The following MAN2A2 variants were observed in gnomAD, a reference collection of about 807,000 sequenced individuals.
MAN2A2 encodes the protein alpha-mannosidase 2x.
Under a neutral mutation model 126.8 loss-of-function variants are expected in MAN2A2, and 79 were observed. The observed-to-expected ratio is 0.62, with a 90% CI of 0.52 to 0.75. The LOEUF (loss-of-function observed/expected upper bound fraction) is 0.75. Ranked by LOEUF, MAN2A2 falls within the 30% of genes least tolerant of loss-of-function variation. The probability of loss-of-function intolerance (pLI) is 0.00; values close to 1 mark genes in which losing one functional copy is unlikely to be tolerated. For missense variants in MAN2A2, 1,392 were observed against 1,522.4 expected (o/e 0.91, Z 1.43); for synonymous variants, 671 against 618.7 (o/e 1.08, Z -1.25).
chr15:90,916,194 G>T lies in MAN2A2; in HGVS notation c.2932G>T (p.Asp978Tyr). Residue 978 changes from aspartate (D) to tyrosine (Y), a missense_variant, in exon 20 of 23, where the codon GAC becomes TAC. Asp to Tyr is a radical substitution (Grantham distance 160). Transcript: ENST00000559717. ...CCGGGGCCTAGGCCAAGGGCTCAAG[G>T]ACAACAAGAGAACCTGCAACCGTTT... ...DNRGLGQGLKDNKRTCNRFRL... is the reference protein window; with the variant it reads ...DNRGLGQGLKYNKRTCNRFRL... The T allele has an allele frequency of 6.2e-7, 1 of 1,614,172 alleles. No individual in the cohort carries two copies. The highest frequency in any genetic ancestry group is 2.2e-5 in the East Asian group (1 of 44,874).
chr15:90,913,980 C>G (rs1308230542), intron 19 of MAN2A2, among the ~76,000 whole-genome samples: 1 of 152,162 alleles, frequency 6.6e-6, no homozygotes, highest in Non-Finnish European at 1.5e-5. Context: ...GGTGGAGTGT[C>G]CTACTGGATG....
At position 90,918,767 on chromosome 15, in the gene MAN2A2, G is replaced by A. The variant is rs1409264294; in HGVS notation, c.3300+12G>A. 6.6e-7 allele frequency: 1 copy of A among 1,511,774 alleles called. No homozygotes were observed. The highest frequency in any genetic ancestry group is 1.4e-5 in the African/African-American group (1 of 72,588). The allele number at this position is 1,511,774 out of a possible 1,614,324, so 93.6% of individuals were successfully genotyped here. A position where few individuals can be genotyped will look rare whatever the true frequency, so the allele number is the denominator to read the frequency against. Reference sequence around the variant, plus strand: ...CAAGCCAAGGCAAGGTGAGTAGGGTGGGGAAACAGAGCACCTAGGAATGGC... The same window carrying A: ...CAAGCCAAGGCAAGGTGAGTAGGGTAGGGAAACAGAGCACCTAGGAATGGC... On this transcript the variant is annotated intron_variant, in intron 22 of 22. Transcript: ENST00000559717.
Position 90,906,909 on chromosome 15 carries a change from A to G in MAN2A2, c.1005A>G (p.Thr335=), listed in dbSNP as rs1204914554. Residue 335 remains threonine, a synonymous_variant, in exon 7 of 23, where the codon ACA becomes ACG. Transcript: ENST00000559717. ...GCCTAGAGTTCATGTGGAGGCAGAC[A>G]TGGGGTAAGGCCGGGTAGGGTAGAG... is the stretch of plus-strand genomic sequence containing the variant. ...THSLEFMWRQ[T]WDSDSSTDIF... is the part of the protein sequence containing the mutation. 1 of 1,613,908 alleles carries G rather than the reference A, an allele frequency of 6.2e-7. No homozygotes were observed. The highest frequency in any genetic ancestry group is 8.5e-7 in the Non-Finnish European group (1 of 1,179,984).
At position 90,911,479 on chromosome 15, in the gene MAN2A2, G is replaced by T. The variant is rs765263413; in HGVS notation, c.2038G>T (p.Gly680Cys). 6.2e-7 allele frequency: 1 copy of T among 1,614,202 alleles called. No individual in the cohort carries two copies. The highest frequency in any genetic ancestry group is 8.5e-7 in the Non-Finnish European group (1 of 1,180,054). Residue 680 changes from glycine (G) to cysteine (C), a missense_variant, in exon 14 of 23, where the codon GGT becomes TGT. Gly to Cys is a radical substitution (Grantham distance 159). Transcript: ENST00000559717. ...CCGCGTGCGTGTCCTTTCGGAGGAG[G>T]GTCAGCCCCTGGCCGTGCAGATCAG... Reference protein sequence around the residue: ...SPRVRVLSEEGQPLAVQISAH... With the variant: ...SPRVRVLSEECQPLAVQISAH...
chr15:90,918,453 C>T (rs2035354141), intron 21 of MAN2A2, 65 bp downstream of exon 21: 2 of 1,520,388 alleles, frequency 1.3e-6, no homozygotes, highest in Admixed American at 1.8e-5. Flanking sequence ...CTGCTCAGCT[C>T]CTTCCTTAGC....
At position 90,905,426 on chromosome 15, in the gene MAN2A2, A is replaced by C. The variant is rs1400215420; in HGVS notation, c.308A>C (p.Glu103Ala). Residue 103 changes from glutamate to alanine, a missense_variant, in exon 3 of 23, where the codon GAG becomes GCG. Physicochemically the swap from Glu to Ala is moderately radical, Grantham distance 107. Coordinates refer to ENST00000559717, the MANE Select transcript of MAN2A2 (RefSeq NM_006122.4). ...AATGGCTCCTGGGTGGTGCCACCGG[A>C]GCCCCGGCCCAGCTTCTTCTCCATC... The part of the protein sequence containing the change: ...TVNGSWVVPP[E>A]PRPSFFSISP... 1 of 1,613,738 alleles carries C rather than the reference A, an allele frequency of 6.2e-7. No homozygotes were observed. Among genetic ancestry groups the C allele is most frequent in the Admixed American group, 1.7e-5 (1 of 60,024 alleles).
At position 90,913,720 on chromosome 15, in the gene MAN2A2, C is replaced by G. The variant is rs2034957303; in HGVS notation, c.2825C>G (p.Thr942Ser). 2 of 1,601,580 alleles carry G rather than the reference C, an allele frequency of 1.2e-6. No individual in the cohort carries two copies. The highest frequency in any genetic ancestry group is 1.1e-5 in the South Asian group (1 of 89,212). ...GCACAGAAGCGCCTCACGCTGCACA[C>G]TGCCCAGGCCCTGGGTGTCTCTAGC... The part of the protein sequence containing the change: ...QDAQKRLTLH[T>S]AQALGVSSLK... Residue 942 changes from threonine to serine, a missense_variant, in exon 19 of 23, where the codon ACT becomes AGT. Physicochemically the swap from Thr to Ser is moderately conservative, Grantham distance 58. Coordinates refer to ENST00000559717, the MANE Select transcript of MAN2A2 (RefSeq NM_006122.4).
Position 90,904,331 on chromosome 15 carries a change from T to G in MAN2A2, c.124T>G (p.Phe42Val). 6.2e-7 allele frequency: 1 copy of G among 1,613,608 alleles called. No individual in the cohort carries two copies. The highest frequency in any genetic ancestry group is 8.5e-7 in the Non-Finnish European group (1 of 1,179,572). Residue 42 changes from phenylalanine (F) to valine (V), a missense_variant, in exon 2 of 23, where the codon TTC becomes GTC. Transcript: ENST00000559717. ...DPTRHQNGGN[F>V]PRSQISVLQN... ...CACCCGACACCAGAATGGTGGGAAC[T>G]TCCCCCGGGTGAGTCGTGCCTGGTT...
Position 90,914,118 on chromosome 15 carries a change from C to T in MAN2A2, c.2860+363C>T, listed in dbSNP as rs147715065. Reference sequence around the variant, plus strand: ...CTGTTGGGAGGCCAAGGCAGAAGGCCAGGAGTTTGAGACCAGCCTGGGCAA... The same window carrying T: ...CTGTTGGGAGGCCAAGGCAGAAGGCTAGGAGTTTGAGACCAGCCTGGGCAA... On this transcript the variant is annotated intron_variant, in intron 19 of 22. Coordinates refer to ENST00000559717, the MANE Select transcript of MAN2A2 (RefSeq NM_006122.4). 2.9e-3 allele frequency among the ~76,000 whole-genome samples: 437 copies of T among 152,354 alleles called. 6 individuals are homozygous for T. Among genetic ancestry groups the T allele is most frequent in the East Asian group, 7.9e-3 (41 of 5,184 alleles).
intron 19 of MAN2A2, among the ~76,000 whole-genome samples, chr15:90,915,194 G>C (rs961921082): frequency 3.4e-4 from 51 of 152,158 alleles, no homozygotes; most frequent in Middle Eastern, 3.4e-3. Flanking sequence ...TATGGTATTT[G>C]AAAAAATGAC....
At position 90,919,843 on chromosome 15, in the gene MAN2A2, A is replaced by G; in HGVS notation, c.*56A>G. 2 of 1,598,018 alleles carry G rather than the reference A, an allele frequency of 1.3e-6. No homozygotes were observed. Among genetic ancestry groups the G allele is most frequent in the South Asian group, 2.2e-5 (2 of 89,778 alleles). On this transcript the variant is annotated 3_prime_UTR_variant, in exon 23 of 23. Transcript: ENST00000559717. Reference sequence around the variant, plus strand: ...TCACAGAGACTGCCTCTTAACATGAAGATCATTGGACAAGCCACACGGGTA... The same window carrying G: ...TCACAGAGACTGCCTCTTAACATGAGGATCATTGGACAAGCCACACGGGTA...
At chr15:90,913,907 T>C in intron 19 of MAN2A2, 152 bp downstream of exon 19, 3 of 1,078,190 alleles carry the variant, frequency 2.8e-6, no homozygotes, top group Non-Finnish European at 3.9e-6. Context: ...TCAGAGCTCT[T>C]GGCACAGGAG....
rs145222552 is a variant in MAN2A2, at chr15:90,912,613, G to A, written c.2418G>A (p.Thr806=). 507 of 1,614,070 alleles carry A rather than the reference G, an allele frequency of 3.1e-4. No homozygotes were observed. Among genetic ancestry groups the A allele is most frequent in the Non-Finnish European group, 4.0e-4 (470 of 1,180,028 alleles). ...DMQVLVYGTR[T]SKDKSGAYLF... ...AGGTCCTTGTCTATGGCACCCGTAC[G>A]TCCAAAGACAAGAGTGGAGCCTACC... Residue 806 remains threonine (T), a synonymous_variant, in exon 16 of 23, where the codon ACG becomes ACA. Coordinates refer to ENST00000559717, the MANE Select transcript of MAN2A2 (RefSeq NM_006122.4).
intron 11 of MAN2A2, 45 bp from the exon 12 acceptor site, chr15:90,910,802 C>G (rs201678725): frequency 5.0e-6 from 8 of 1,601,922 alleles, no homozygotes; most frequent in African/African-American, 2.7e-5. Flanking sequence ...CAGACAGCTT[C>G]CCTATGGTCA....
intron 12 of MAN2A2, 62 bp from the exon 13 acceptor site, chr15:90,911,109 A>T (rs975569849): frequency 6.4e-6 from 10 of 1,569,278 alleles, no homozygotes; most frequent in Non-Finnish European, 8.8e-6. Context: ...CACCTGGGAC[A>T]GGTGGGGTGG....
At position 90,906,889 on chromosome 15, in the gene MAN2A2, G is replaced by T. The variant is rs1190968247; in HGVS notation, c.985G>T (p.Glu329Ter). ...KKHFAATHSL[E>*]FMWRQTWDSD... ...GCACTTTGCTGCCACCCACAGCCTA[G>T]AGTTCATGTGGAGGCAGACATGGGG... Residue 329 changes from glutamate (E) to a stop codon, truncating the protein, a stop_gained, in exon 7 of 23, where the codon GAG (glutamate) becomes TAG (stop). Coordinates refer to ENST00000559717, the MANE Select transcript of MAN2A2 (RefSeq NM_006122.4). LOFTEE classifies it high-confidence loss of function. 8 of 1,614,014 alleles carry T rather than the reference G, an allele frequency of 5.0e-6. No homozygotes were observed. Among genetic ancestry groups the T allele is most frequent in the Non-Finnish European group, 6.8e-6 (8 of 1,179,982 alleles).
In MAN2A2 at chr15:90,911,805, T is replaced by C. The variant is rs553895537; in HGVS notation, c.2110-238T>C. ...TTATAATGCCCCATCATTCAGTCAT[T>C]CAATGTTTATCGAAAGCTTAATGTG... On this transcript the variant is annotated intron_variant, in intron 14 of 22. Transcript: ENST00000559717. 9.9e-6 allele frequency: 6 copies of C among 604,110 alleles called. No homozygotes were observed. In the East Asian group the frequency reaches 1.4e-4, roughly 14 times the overall value. 37.4% of individuals were successfully genotyped at this position (604,110 alleles called of 1,614,324 possible).
chr15:90,905,386 C>T lies in MAN2A2; in HGVS notation c.268C>T (p.Pro90Ser). ...ANAEGPPAML[P>S]YYTVNGSWVV... ...CGCAGAGGGCCCGCCCGCCATGCTG[C>T]CCTACTACACGGTCAATGGCTCCTG... Residue 90 changes from proline to serine, a missense_variant, in exon 3 of 23, where the codon CCC becomes TCC. Coordinates refer to ENST00000559717, the MANE Select transcript of MAN2A2 (RefSeq NM_006122.4). 6.2e-7 allele frequency: 1 copy of T among 1,613,984 alleles called. No individual in the cohort carries two copies. Among genetic ancestry groups the T allele is most frequent in the Non-Finnish European group, 8.5e-7 (1 of 1,180,040 alleles).
At position 90,916,212 on chromosome 15, in the gene MAN2A2, A is replaced by G. The variant is rs2035165161; in HGVS notation, c.2950A>G (p.Asn984Asp). Residue 984 changes from asparagine to aspartate, a missense_variant, in exon 20 of 23, where the codon AAC becomes GAC. Coordinates refer to ENST00000559717, the MANE Select transcript of MAN2A2 (RefSeq NM_006122.4). Reference protein sequence around the residue: ...QGLKDNKRTCNRFRLLLERRT... With the variant: ...QGLKDNKRTCDRFRLLLERRT... ...GCTCAAGGACAACAAGAGAACCTGC[A>G]ACCGTTTCCGCCTCCTGCTAGAGCG... 4 of 1,614,058 alleles carry G rather than the reference A, an allele frequency of 2.5e-6. No homozygotes were observed. The South Asian group carries it at 3.3e-5, about 13-fold the overall frequency.
Sources: gnomAD v4.1 joint callset for allele counts (sites outside exome capture counted in the v4.1 genomes callset) on GRCh38, gnomAD v4.1.1 for gene constraint, MANE v1.5 for transcripts, NCBI Gene and HGNC (gene_info 2026-07-23, HGNC 2026-07-21) for gene names.